The following GRXCR1 variants were observed in gnomAD, a reference collection of about 807,000 sequenced individuals.
The protein encoded by GRXCR1 is glutaredoxin domain-containing cysteine-rich protein 1.
A neutral mutation model predicts 27.3 loss-of-function variants in GRXCR1; 27 were observed. The ratio of observed to expected loss-of-function variants is 0.99; its 90% CI spans 0.73 to 1.37. The LOEUF (loss-of-function observed/expected upper bound fraction) is 1.37. Among genes scored for constraint, GRXCR1 ranks in the 40% most tolerant of loss-of-function variants. The pLI is 0.00. For synonymous variants in GRXCR1, 122 were observed against 131.1 expected, an observed-to-expected ratio of 0.93 and a Z score of 0.47; for missense variants, 379 against 354.4, an observed-to-expected ratio of 1.07 and a Z score of -0.56.
At chr4:42,896,461 G>A (rs1333498132) in intron 1 of GRXCR1, among the ~76,000 whole-genome samples, 1 of 152,078 alleles carries the variant, frequency 6.6e-6, no homozygotes, top group Non-Finnish European at 1.5e-5. Context: ...GGCTGCTCAG[G>A]TGGGCGTTGT....
At chr4:43,000,411 G>A (rs1167479441) in intron 2 of GRXCR1, among the ~76,000 whole-genome samples, 1 of 149,958 alleles carries the variant, frequency 6.7e-6, no homozygotes, top group Non-Finnish European at 1.5e-5. Context: ...GGGACTAGGA[G>A]GTTGCAGTGA....
rs1256210069 is a variant in GRXCR1 at position 43,004,102 on chromosome 4, C to T, written c.628-16252C>T. Among the ~76,000 whole-genome samples the T allele has an allele frequency of 4.6e-5, 7 of 152,278 alleles. No homozygotes were observed. In the East Asian group the frequency reaches 9.6e-4, roughly 21 times the overall value. Reference sequence around the variant, plus strand: ...TCTGTGCAGCCTTGGGACATGGCACCCTGCATCCCAGCCACTCCAGCACCA... The same window carrying T: ...TCTGTGCAGCCTTGGGACATGGCACTCTGCATCCCAGCCACTCCAGCACCA... On this transcript the variant is annotated intron_variant, in intron 2 of 3. Transcript: ENST00000399770.
At chr4:42,982,214 C>G (rs1186161713) in intron 2 of GRXCR1, among the ~76,000 whole-genome samples, 1 of 145,520 alleles carries the variant, frequency 6.9e-6, no homozygotes, top group South Asian at 2.3e-4. Flanking sequence ...CCTCCCCCTA[C>G]CCCACAACAG....
At position 42,963,052 on chromosome 4, in the gene GRXCR1, G is replaced by A. The variant is rs1748162243; in HGVS notation, c.545G>A (p.Gly182Glu). The change falls in exon 2 of 4, where the codon GGA becomes GAA. Residue 182 changes from glycine to glutamate, a missense_variant. Physicochemically the swap from Gly to Glu is moderately conservative, Grantham distance 98. Coordinates refer to ENST00000399770, the MANE Select transcript of GRXCR1 (RefSeq NM_001080476.3). ...AACATAGCCCTGAATGGTGAATATG[G>A]AAAAGAGTTAGACGAACGATGCCGA... ...EKNIALNGEY[G>E]KELDERCRRV... 1 of 1,612,880 alleles carries A rather than the reference G, an allele frequency of 6.2e-7. No homozygotes were observed.
intron 2 of GRXCR1, among the ~76,000 whole-genome samples, chr4:42,995,877 A>G (rs1418466968): frequency 6.6e-6 from 1 of 152,196 alleles, no homozygotes; most frequent in Non-Finnish European, 1.5e-5. Context: ...GAGTCCGAGG[A>G]CTTAGAAGTT....
chr4:42,986,932 T>C (rs1230787191), intron 2 of GRXCR1, among the ~76,000 whole-genome samples: 2 of 151,442 alleles, frequency 1.3e-5, no homozygotes, highest in African/African-American at 4.9e-5. Flanking sequence ...TTCTGTGCGA[T>C]GTTCTAGAGG....
intron 1 of GRXCR1, among the ~76,000 whole-genome samples, chr4:42,919,215 C>T (rs566524270): frequency 6.6e-6 from 1 of 152,240 alleles, no homozygotes; most frequent in East Asian, 1.9e-4. Flanking sequence ...AGAGGCTGGC[C>T]TGTCAGACAG....
At chr4:42,966,526 G>A (rs796801878) in intron 2 of GRXCR1, among the ~76,000 whole-genome samples, 78 of 152,214 alleles carry the variant, frequency 5.1e-4, no homozygotes, top group African/African-American at 1.9e-3. Context: ...AAGTGACACA[G>A]CTAGGTTACA....
At chr4:43,026,511 C>T (rs1713264236) in intron 3 of GRXCR1, among the ~76,000 whole-genome samples, 1 of 150,456 alleles carries the variant, frequency 6.6e-6, no homozygotes, top group South Asian at 2.1e-4. Flanking sequence ...CACTGGGGAG[C>T]TTTAGTGGGT....
chr4:43,021,839 C>T (rs1713102600), intron 3 of GRXCR1, among the ~76,000 whole-genome samples: 1 of 152,108 alleles, frequency 6.6e-6, no homozygotes, highest in Non-Finnish European at 1.5e-5. Context: ...TGTTTTAAAT[C>T]TCCTTTTTTC....
intron 1 of GRXCR1, among the ~76,000 whole-genome samples, chr4:42,927,376 C>G (rs937531335): frequency 3.3e-5 from 5 of 151,978 alleles, no homozygotes; most frequent in African/African-American, 1.2e-4. Context: ...AGCATGCTTA[C>G]GCCCCTGCTA....
At chr4:42,982,826 A>T (rs1354639073) in intron 2 of GRXCR1, among the ~76,000 whole-genome samples, 1 of 149,914 alleles carries the variant, frequency 6.7e-6, no homozygotes. Context: ...GCATTTTTTC[A>T]TGTGTTTTTT....
chr4:42,894,213 G>A (rs1285992893), intron 1 of GRXCR1, among the ~76,000 whole-genome samples: 3 of 151,898 alleles, frequency 2.0e-5, no homozygotes, highest in Non-Finnish European at 1.5e-5. Flanking sequence ...CTAGGATGAT[G>A]CTTGAAAAAA....
At chr4:42,957,741 T>C (rs1419890228) in intron 1 of GRXCR1, among the ~76,000 whole-genome samples, 2 of 151,742 alleles carry the variant, frequency 1.3e-5, no homozygotes, top group Non-Finnish European at 2.9e-5. Flanking sequence ...GTTTGTCAAT[T>C]GAATTGTTCA....
intron 2 of GRXCR1, among the ~76,000 whole-genome samples, chr4:43,009,643 C>A (rs1234701188): frequency 6.6e-6 from 1 of 152,058 alleles, no homozygotes; most frequent in African/African-American, 2.4e-5. Flanking sequence ...AGATGGCCAT[C>A]TTTTTCCTGT....
chr4:42,916,928 T>C (rs929189198), intron 1 of GRXCR1, among the ~76,000 whole-genome samples: 4 of 152,158 alleles, frequency 2.6e-5, no homozygotes, highest in African/African-American at 4.8e-5. Context: ...AAGAACCTTA[T>C]GTAAGGTTCT....
chr4:43,013,123 A>G (rs1309945846), intron 2 of GRXCR1, among the ~76,000 whole-genome samples: 1 of 152,230 alleles, frequency 6.6e-6, no homozygotes, highest in Non-Finnish European at 1.5e-5. Context: ...AAAGAATTTA[A>G]AACAGATCTT....
intron 2 of GRXCR1, among the ~76,000 whole-genome samples, chr4:42,999,914 A>G (rs1046096643): frequency 1.1e-4 from 17 of 152,226 alleles, no homozygotes; most frequent in Admixed American, 1.0e-3. Flanking sequence ...TTTCTGGTTA[A>G]TGTGTCTTTG....
chr4:42,989,376 T>C (rs1711889657), intron 2 of GRXCR1, among the ~76,000 whole-genome samples: 1 of 152,200 alleles, frequency 6.6e-6, no homozygotes, highest in South Asian at 2.1e-4. Flanking sequence ...CTTACTCTTC[T>C]GGCCTCATTT....
Sources: gnomAD v4.1 joint callset for allele counts (sites outside exome capture counted in the v4.1 genomes callset) on GRCh38, gnomAD v4.1.1 for gene constraint, MANE v1.5 for transcripts, NCBI Gene and HGNC (gene_info 2026-07-23, HGNC 2026-07-21) for gene names.